Variants in SLC6A13 observed in about 807,000 individuals in gnomAD.
SLC6A13 encodes the protein solute carrier family 6 member 13, also known as sodium- and chloride-dependent GABA transporter 2.
Under a neutral mutation model 72.9 loss-of-function variants are expected in SLC6A13, and 69 were observed. The observed-to-expected ratio is 0.95, with a 90% CI of 0.78 to 1.16. The LOEUF (loss-of-function observed/expected upper bound fraction) is 1.16, where lower values mean the gene tolerates loss of function less well. SLC6A13 is among the 50% of genes most tolerant of loss of function. The pLI is 0.00. For synonymous variants in SLC6A13, 303 were observed against 303.0 expected, an observed-to-expected ratio of 1.00 and a Z score of 0.00; for missense variants, 735 against 760.5, an observed-to-expected ratio of 0.97 and a Z score of 0.39.
At chr12:262,429 C>A (rs976780883) in intron 1 of SLC6A13, among the ~76,000 whole-genome samples, 2 of 152,206 alleles carry the variant, frequency 1.3e-5, no homozygotes, top group Admixed American at 1.3e-4. Flanking sequence ...TGTATACACA[C>A]TTAATAGAAT....
chr12:227,888 C>T (rs890307154), intron 7 of SLC6A13, among the ~76,000 whole-genome samples: 2 of 152,190 alleles, frequency 1.3e-5, no homozygotes, highest in Admixed American at 6.5e-5. Flanking sequence ...ATAGAACAGG[C>T]ATTAGGCATT....
rs147372199 is a variant in SLC6A13, at chr12:251,973, C to T, written c.202+7878G>A. On this transcript the variant is annotated intron_variant, in intron 2 of 14. Coordinates refer to ENST00000343164, the MANE Select transcript of SLC6A13 (RefSeq NM_016615.5). ...CCTGGGTGACAGAGTGAGATCCCAT[C>T]TCAAAAAAAAGAAAAGGAAAATTAC... Among the ~76,000 whole-genome samples the T allele has an allele frequency of 2.2e-4, 33 of 150,954 alleles. No homozygotes were observed. The East Asian group carries it at 6.0e-3, about 28-fold the overall frequency.
At chr12:239,575 C>T (rs1942089024) in intron 4 of SLC6A13, among the ~76,000 whole-genome samples, 1 of 152,254 alleles carries the variant, frequency 6.6e-6, no homozygotes, top group South Asian at 2.1e-4. Context: ...CATAGCCCAT[C>T]TTCTAACACG....
intron 6 of SLC6A13, 38 bp downstream of exon 6, chr12:237,120 G>A: frequency 6.2e-7 from 1 of 1,610,746 alleles, no homozygotes; most frequent in Non-Finnish European, 8.5e-7. Context: ...GAGGGCAGGA[G>A]TCCGGGAATG....
rs1327828937 is a variant in SLC6A13 at position 221,080 on chromosome 12, T to C, written c.1687-10A>G. On this transcript the variant is annotated splice_polypyrimidine_tract_variant and intron_variant, in intron 14 of 14. Coordinates refer to ENST00000343164, the MANE Select transcript of SLC6A13 (RefSeq NM_016615.5). ...TGAGCTGACGGATTCTCTGCGGGGATAGCAGAGGTGGCTGTCAGGTGGTGG... is the reference window on the plus strand; with the variant it reads ...TGAGCTGACGGATTCTCTGCGGGGACAGCAGAGGTGGCTGTCAGGTGGTGG... 6.3e-7 allele frequency: 1 copy of C among 1,585,960 alleles called. No individual in the cohort carries two copies. Among genetic ancestry groups the C allele is most frequent in the Non-Finnish European group, 8.6e-7 (1 of 1,167,562 alleles).
intron 6 of SLC6A13, chr12:236,844 T>C (rs1475680601): frequency 9.3e-6 from 2 of 215,918 alleles, no homozygotes; most frequent in East Asian, 2.0e-4. Flanking sequence ...GAATTCTTTT[T>C]CCAAAGAACT....
chr12:259,259 C>T (rs11062180), intron 2 of SLC6A13: 24 of 983,406 alleles, frequency 2.4e-5, no homozygotes, highest in African/African-American at 7.3e-5. Flanking sequence ...AGAGCTACTA[C>T]TTATTACTTA....
Position 241,443 on chromosome 12 carries a change from C to T in SLC6A13, c.478+1171G>A, listed in dbSNP as rs532527015. Among the ~76,000 whole-genome samples the T allele has an allele frequency of 1.2e-4, 19 of 152,304 alleles. No homozygotes were observed. The South Asian group carries it at 3.5e-3, about 28-fold the overall frequency. On this transcript the variant is annotated intron_variant, in intron 4 of 14. Coordinates refer to ENST00000343164, the MANE Select transcript of SLC6A13 (RefSeq NM_016615.5). The stretch of plus-strand genomic sequence containing the variant: ...TGTGCCAAGAATCCAAGCAGAACAG[C>T]GTCCACCGTGCTCTCCAGCCATGCC...
At chr12:243,269 C>T (rs1003796912) in intron 3 of SLC6A13, among the ~76,000 whole-genome samples, 1 of 152,242 alleles carries the variant, frequency 6.6e-6, no homozygotes, top group Non-Finnish European at 1.5e-5. Flanking sequence ...CCTGCCTCGG[C>T]CTCCCAAAGT....
intron 7 of SLC6A13, among the ~76,000 whole-genome samples, chr12:228,257 G>C (rs1031849688): frequency 1.5e-4 from 23 of 152,296 alleles, no homozygotes; most frequent in African/African-American, 5.5e-4. Flanking sequence ...ATAGAGTTCA[G>C]TTGTTATTGT....
At chr12:241,450 C>T (rs997127151) in intron 4 of SLC6A13, among the ~76,000 whole-genome samples, 6 of 152,292 alleles carry the variant, frequency 3.9e-5, no homozygotes, top group South Asian at 4.2e-4. Flanking sequence ...CAGCGTCCAC[C>T]GTGCTCTCCA....
rs749235175 is a variant in SLC6A13, at chr12:259,959, G to A, written c.94C>T (p.Arg32Trp). The change falls in exon 2 of 15, where the codon CGG becomes TGG. Residue 32 changes from arginine (R) to tryptophan (W), a missense_variant. By Grantham distance (101) the Arg-to-Trp change is moderately radical (BLOSUM62 -3). Transcript: ENST00000343164. ...TCCATCTTGTTGTTCCAGTGCCCCCGCTCCAGGGTGCCATCTTCCTCCTTC... is the reference window on the plus strand; with the variant it reads ...TCCATCTTGTTGTTCCAGTGCCCCCACTCCAGGGTGCCATCTTCCTCCTTC... ...EKKEEDGTLE[R>W]GHWNNKMEFV... 2.1e-5 allele frequency: 34 copies of A among 1,614,044 alleles called. No homozygotes were observed. The highest frequency in any genetic ancestry group is 2.1e-5 in the Non-Finnish European group (25 of 1,180,022).
chr12:250,927 T>C (rs772798993), intron 2 of SLC6A13, among the ~76,000 whole-genome samples: 29 of 146,366 alleles, frequency 2.0e-4, no homozygotes, highest in South Asian at 6.4e-4. Context: ...GAGGCCAAGG[T>C]GGGTGGATCA....
At chr12:226,710 C>G in intron 8 of SLC6A13, 196 bp from the exon 9 acceptor site, 1 of 555,636 alleles carries the variant, frequency 1.8e-6, no homozygotes, top group Non-Finnish European at 3.1e-6. Context: ...CTCCTCGGCC[C>G]CACCAGCCCA....
At chr12:242,500 C>G (rs1029287335) in intron 4 of SLC6A13, 114 bp downstream of exon 4, 2 of 834,878 alleles carry the variant, frequency 2.4e-6, no homozygotes, top group Non-Finnish European at 3.6e-6. Flanking sequence ...TCTCCATGGT[C>G]GACTTGGGTG....
intron 11 of SLC6A13, 57 bp from the exon 12 acceptor site, chr12:223,291 C>A: frequency 8.9e-7 from 1 of 1,123,872 alleles, no homozygotes; most frequent in South Asian, 1.4e-5. Flanking sequence ...CAGAAAGATT[C>A]ACTCCTATGC....
Position 221,402 on chromosome 12 carries a change from C to G in SLC6A13, c.1660G>C (p.Gly554Arg). The change falls in exon 14 of 15, where the codon GGA becomes CGA. Residue 554 changes from glycine to arginine, a missense_variant. Gly to Arg is a moderately radical substitution (Grantham distance 125). Transcript: ENST00000343164. ...TCTCTGAAGGGGCCCTTGAGGGTTC[C>G]GAGTCTGTAGAGGCTCCAGGCAGGA... ...CIPAWSLYRL[G>R]TLKGPFRERI... 1 of 1,608,606 alleles carries G rather than the reference C, an allele frequency of 6.2e-7. No homozygotes were observed. The highest frequency in any genetic ancestry group is 8.5e-7 in the Non-Finnish European group (1 of 1,177,380).
At chr12:234,522 T>C (rs1941847560) in intron 7 of SLC6A13, among the ~76,000 whole-genome samples, 1 of 150,314 alleles carries the variant, frequency 6.7e-6, no homozygotes, top group South Asian at 2.3e-4. Flanking sequence ...TTTATTTCAT[T>C]TTATTTTATT....
chr12:231,902 A>G (rs558929524), intron 7 of SLC6A13, among the ~76,000 whole-genome samples: 4 of 152,236 alleles, frequency 2.6e-5, no homozygotes, highest in Non-Finnish European at 5.9e-5. Flanking sequence ...AGAGAAACAA[A>G]GGTGAGTGGC....
Sources: gnomAD v4.1 joint callset for allele counts (sites outside exome capture counted in the v4.1 genomes callset) on GRCh38, gnomAD v4.1.1 for gene constraint, MANE v1.5 for transcripts, NCBI Gene and HGNC (gene_info 2026-07-23, HGNC 2026-07-21) for gene names.